Variants in LTBR observed in about 807,000 individuals in gnomAD.
The protein encoded by LTBR is tumor necrosis factor receptor superfamily member 3.
A neutral mutation model predicts 45.4 loss-of-function variants in LTBR; 15 were observed. The observed-to-expected ratio is 0.33, with a 90% CI of 0.22 to 0.51. The LOEUF is 0.51. Among genes scored for constraint, LTBR ranks in the 20% least tolerant of loss-of-function variants. LTBR has a pLI of 0.97. For synonymous variants in LTBR, 228 were observed against 231.0 expected (o/e 0.99, Z 0.12); for missense variants, 450 against 565.5 (o/e 0.80, Z 2.07).
chr12:6,388,745 A>G lies in LTBR; in HGVS notation c.776-55A>G, dbSNP rs1949077090. The G allele has an allele frequency of 6.2e-7, 1 of 1,611,526 alleles. No homozygotes were observed. Among genetic ancestry groups the G allele is most frequent in the Admixed American group, 1.7e-5 (1 of 59,942 alleles). ...ATTGTGCTGGGATGTGGAGGCTGAAAGGCTAGGTCTGAGGCCTGCCGGGGA... is the reference window on the plus strand; with the variant it reads ...ATTGTGCTGGGATGTGGAGGCTGAAGGGCTAGGTCTGAGGCCTGCCGGGGA... On this transcript the variant is annotated intron_variant, in intron 7 of 9. Coordinates refer to ENST00000228918, the MANE Select transcript of LTBR (RefSeq NM_002342.3). This position sits in a 1 kb window ranked among gnomAD's most constrained non-coding sequence, Gnocchi z 4.3.
upstream of LTBR, among the ~76,000 whole-genome samples, chr12:6,383,526 C>T (rs1385318134): frequency 2.0e-5 from 3 of 152,168 alleles, no homozygotes; most frequent in African/African-American, 4.8e-5. Flanking sequence ...GACTCCCCTC[C>T]GCATATCCTC....
intron 9 of LTBR, 102 bp downstream of exon 9, chr12:6,390,442 A>T: frequency 9.2e-7 from 1 of 1,083,662 alleles, no homozygotes; most frequent in Non-Finnish European, 1.3e-6. Flanking sequence ...AAACAGAGGC[A>T]GACAGAGACT....
Position 6,390,230 on chromosome 12 carries a change from G to A in LTBR, c.920G>A (p.Gly307Glu). The change falls in exon 9 of 10, where the codon GGG becomes GAG. Residue 307 changes from glycine (G) to glutamate (E), a missense_variant. Physicochemically the swap from Gly to Glu is moderately conservative, Grantham distance 98. This residue lies in a region of LTBR where 367 missense variants were observed against 435.4 expected (regional missense o/e 0.84). Transcript: ENST00000228918. ...ISGDVSPVST[G>E]LPAAPVLEAG... ...GGAGATGTTTCCCCAGTATCCACTG[G>A]GCTCCCCGCAGCCCCAGTTTTGGAG... 3 of 1,614,026 alleles carry A rather than the reference G, an allele frequency of 1.9e-6. No individual in the cohort carries two copies. The highest frequency in any genetic ancestry group is 1.7e-6 in the Non-Finnish European group (2 of 1,180,012).
intron 1 of LTBR, chr12:6,377,141 G>A: frequency 1.2e-6 from 1 of 816,580 alleles, no homozygotes; most frequent in South Asian, 1.8e-5. Flanking sequence ...CAGTACTCCA[G>A]GCTCAGGGTC....
chr12:6,376,748 C>T (rs1023643966), intron 1 of LTBR, among the ~76,000 whole-genome samples: 3 of 152,124 alleles, frequency 2.0e-5, no homozygotes, highest in Admixed American at 6.5e-5. Flanking sequence ...AGGCCCTGCA[C>T]GCGGCAGGGA....
chr12:6,378,829 A>T (rs1948946310), intron 1 of LTBR, among the ~76,000 whole-genome samples: 1 of 151,938 alleles, frequency 6.6e-6, no homozygotes, highest in African/African-American at 2.4e-5. Context: ...GACTACCCCC[A>T]GACTCCCCCA....
chr12:6,386,250 C>A lies in LTBR; in HGVS notation c.569+88C>A. On this transcript the variant is annotated intron_variant, in intron 5 of 9. Coordinates refer to ENST00000228918, the MANE Select transcript of LTBR (RefSeq NM_002342.3). The surrounding 1 kb of genome is among the most constrained non-coding windows in gnomAD (Gnocchi z 4.1). ...CAGCGCCTATCCTTGACACCACGGA[C>A]TCGACTCACCACTTTCAGCCTCCCC... 1 of 1,475,204 alleles carries A rather than the reference C, an allele frequency of 6.8e-7. No individual in the cohort carries two copies. Among genetic ancestry groups the A allele is most frequent in the Non-Finnish European group, 9.5e-7 (1 of 1,057,584 alleles). 91.4% of individuals were successfully genotyped at this position (1,475,204 alleles called of 1,614,324 possible).
rs367847000 is a variant in LTBR at position 6,391,022 on chromosome 12, G to A, written c.*85G>A. 2.2e-6 allele frequency: 3 copies of A among 1,372,442 alleles called. No homozygotes were observed. Among genetic ancestry groups the A allele is most frequent in the Non-Finnish European group, 2.9e-6 (3 of 1,034,392 alleles). 85.0% of individuals were successfully genotyped at this position (1,372,442 alleles called of 1,614,324 possible). ...CCCTGCCCACGTGGGATTCACAGGGGCCTGAGTAGGGCCCGGGGAAGCAGA... is the reference window on the plus strand; with the variant it reads ...CCCTGCCCACGTGGGATTCACAGGGACCTGAGTAGGGCCCGGGGAAGCAGA... On this transcript the variant is annotated 3_prime_UTR_variant, in exon 10 of 10. Transcript: ENST00000228918.
Position 6,391,068 on chromosome 12 carries a change from A to T in LTBR, c.*131A>T. Reference sequence around the variant, plus strand: ...GCAGAGCCCTAAGGGATTAAGGCTCAGACACCTCTGAGAGCAGGTGGGCAC... The same window carrying T: ...GCAGAGCCCTAAGGGATTAAGGCTCTGACACCTCTGAGAGCAGGTGGGCAC... On this transcript the variant is annotated 3_prime_UTR_variant, in exon 10 of 10. Coordinates refer to ENST00000228918, the MANE Select transcript of LTBR (RefSeq NM_002342.3). The T allele has an allele frequency of 1.0e-6, 1 of 967,420 alleles. No individual in the cohort carries two copies. Among genetic ancestry groups the T allele is most frequent in the Non-Finnish European group, 1.5e-6 (1 of 688,420 alleles). 59.9% of individuals were successfully genotyped at this position (967,420 alleles called of 1,614,324 possible).
rs1029822472 is a variant in LTBR, at chr12:6,386,729, C to T, written c.667+285C>T. 5.9e-5 allele frequency: 21 copies of T among 356,548 alleles called. No homozygotes were observed. In the Admixed American group the frequency reaches 7.7e-4, roughly 13 times the overall value. The allele number at this position is 356,548 out of a possible 1,614,324, so 22.1% of individuals were successfully genotyped here. ...TACTATTGTCATCATTTTGGGCTTA[C>T]CAACATTACACAATCCGTTTTTTTT... On this transcript the variant is annotated intron_variant, in intron 6 of 9. Coordinates refer to ENST00000228918, the MANE Select transcript of LTBR (RefSeq NM_002342.3). This position sits in a 1 kb window ranked among gnomAD's most constrained non-coding sequence, Gnocchi z 4.1.
At chr12:6,390,406 G>A (rs1011474135) in intron 9 of LTBR, 66 bp downstream of exon 9, 1 of 1,389,478 alleles carries the variant, frequency 7.2e-7, no homozygotes, top group Non-Finnish European at 9.9e-7. Context: ...GGGAGAGACT[G>A]TGGGCCAGAT....
At chr12:6,387,989 C>G (rs1387421908) in intron 6 of LTBR, 2 of 365,940 alleles carry the variant, frequency 5.5e-6, no homozygotes, top group East Asian at 7.5e-5. Flanking sequence ...AAATGTGGCT[C>G]TAGCCTGTGT....
At chr12:6,390,583 A>G (rs1241617200) in intron 9 of LTBR, 77 bp from the exon 10 acceptor site, 9 of 1,420,588 alleles carry the variant, frequency 6.3e-6, no homozygotes, top group Non-Finnish European at 7.6e-6. Flanking sequence ...AAAGGCGAGA[A>G]GAAGGCAAGA....
upstream of LTBR, among the ~76,000 whole-genome samples, chr12:6,382,361 G>A (rs1249353262): frequency 6.6e-6 from 1 of 152,182 alleles, no homozygotes; most frequent in Non-Finnish European, 1.5e-5. Flanking sequence ...GAGTATATGG[G>A]AGACTCCCAA....
rs553139210 is a variant in LTBR, at chr12:6,377,157, T to A, written c.39+1563T>A. On this transcript the variant is annotated intron_variant, in intron 1 of 9. Transcript: ENST00000539925. ...AGTACTCCAGGCTCAGGGTCCAACC[T>A]GGTCTGTGGCTTCCTCTCTTGCGGC... 37 of 1,026,108 alleles carry A rather than the reference T, an allele frequency of 3.6e-5. 1 individual carries two copies. In the African/African-American group the frequency reaches 5.8e-4, roughly 16 times the overall value. 63.6% of individuals were successfully genotyped at this position (1,026,108 alleles called of 1,614,324 possible). A position where few individuals can be genotyped will look rare whatever the true frequency, so the allele number is the denominator to read the frequency against.
Position 6,386,427 on chromosome 12 carries a change from T to A in LTBR, c.650T>A (p.Leu217Gln). The A allele has an allele frequency of 3.1e-6, 5 of 1,599,794 alleles. No individual in the cohort carries two copies. The highest frequency in any genetic ancestry group is 4.3e-6 in the Non-Finnish European group (5 of 1,170,768). Residue 217 changes from leucine (L) to glutamine (Q), a missense_variant, in exon 6 of 10, where the codon CTG (leucine) becomes CAG (glutamine). Transcript: ENST00000228918. This position sits in a 1 kb window ranked among gnomAD's most constrained non-coding sequence, Gnocchi z 4.1. The part of the protein sequence containing the change: ...DTTCKNPLEP[L>Q]PPEMSGTMLM... ...ACCTGCAAAAATCCATTAGAGCCAC[T>A]GCCCCCAGAGATGTCAGGTGAGGGA...
chr12:6,377,261 G>A (rs1024558856), intron 1 of LTBR: 1 of 1,550,752 alleles, frequency 6.4e-7, no homozygotes, highest in Non-Finnish European at 8.7e-7. Flanking sequence ...CCTTGATACT[G>A]CTCATGATAC....
Position 6,388,483 on chromosome 12 carries a change from C to G in LTBR, c.753C>G (p.His251Gln). ...TCTTCTCCTGCATCTGGAAGAGCCA[C>G]CCTTCTCTCTGCAGGAAACTGGGTA... ...ATVFSCIWKS[H>Q]PSLCRKLGSL... The change falls in exon 7 of 10, where the codon CAC becomes CAG. Residue 251 changes from histidine to glutamine, a missense_variant. This residue lies in a region of LTBR where 367 missense variants were observed against 435.4 expected (regional missense o/e 0.84). Coordinates refer to ENST00000228918, the MANE Select transcript of LTBR (RefSeq NM_002342.3). This position sits in a 1 kb window ranked among gnomAD's most constrained non-coding sequence, Gnocchi z 4.3. 6.2e-7 allele frequency: 1 copy of G among 1,614,076 alleles called. No individual in the cohort carries two copies. The highest frequency in any genetic ancestry group is 8.5e-7 in the Non-Finnish European group (1 of 1,180,002).
chr12:6,378,819 G>C (rs1948946112), intron 1 of LTBR, among the ~76,000 whole-genome samples: 1 of 152,036 alleles, frequency 6.6e-6, no homozygotes. Context: ...GCCTTCCCAG[G>C]ACTACCCCCA....
Sources: allele counts gnomAD v4.1 joint callset (sites outside exome capture counted in the v4.1 genomes callset), GRCh38; gene constraint gnomAD v4.1.1; regional missense constraint gnomAD v4.1.1; non-coding constraint Gnocchi (gnomAD v3.1); transcripts MANE v1.5; gene names NCBI Gene and HGNC (gene_info 2026-07-23, HGNC 2026-07-21).